Variants in NRF1 observed in about 807,000 individuals in gnomAD.
The protein encoded by NRF1 is nuclear respiratory factor 1, also known as alpha palindromic-binding protein.
NRF1 carries 5 observed loss-of-function variants against 58.5 expected under a neutral mutation model. The ratio of observed to expected loss-of-function variants is 0.09; its 90% CI spans 0.04 to 0.18. NRF1 has a LOEUF of 0.18. NRF1 is among the 10% of genes least tolerant of loss of function. The probability of loss-of-function intolerance (pLI) is 1.00; values close to 1 mark genes in which losing one functional copy is unlikely to be tolerated. For missense variants in NRF1, 288 were observed against 657.7 expected, an observed-to-expected ratio of 0.44 and a Z score of 6.15; for synonymous variants, 224 against 246.7, an observed-to-expected ratio of 0.91 and a Z score of 0.86.
chr7:129,736,002 C>CA lies in NRF1; in HGVS notation c.1348+8644dup, dbSNP rs1803700820. On this transcript the variant is annotated intron_variant, in intron 10 of 10. Transcript: ENST00000393232. Reference sequence around the variant, plus strand: ...TGGGTGACAGAGCGAGACTCCGTCTCAAAAAAATAAATAAATAAAATACAA... The same window carrying CA: ...TGGGTGACAGAGCGAGACTCCGTCTCAAAAAAAATAAATAAATAAAATACAA... Among the ~76,000 whole-genome samples, 6 of 151,786 alleles carry CA rather than the reference C, an allele frequency of 4.0e-5. No individual in the cohort carries two copies. The South Asian group carries it at 1.3e-3, about 32-fold the overall frequency.
At chr7:129,694,650 G>A (rs955928934) in intron 5 of NRF1, among the ~76,000 whole-genome samples, 2 of 152,158 alleles carry the variant, frequency 1.3e-5, no homozygotes, top group African/African-American at 2.4e-5. Flanking sequence ...TTGCAGGCAC[G>A]AGCCACTGCG....
chr7:129,688,929 ATT>A (rs1348244164), intron 4 of NRF1, among the ~76,000 whole-genome samples: 1 of 27,418 alleles, frequency 3.6e-5, no homozygotes, highest in Non-Finnish European at 8.7e-5. Context: ...TATAAGATTC[ATT>A]TGTGTGTGTG....
At chr7:129,727,192 A>C (rs201601437) in intron 9 of NRF1, 49 bp from the exon 10 acceptor site, 2 of 1,519,588 alleles carry the variant, frequency 1.3e-6, no homozygotes, top group East Asian at 4.9e-5. Context: ...TCTTGGCTGC[A>C]GTGCTGTTCC....
chr7:129,649,198 T>G (rs1389014008), intron 1 of NRF1, among the ~76,000 whole-genome samples: 2 of 152,186 alleles, frequency 1.3e-5, no homozygotes, highest in African/African-American at 2.4e-5. Flanking sequence ...ACCCTATAGT[T>G]GACTTTAGGC....
At position 129,657,369 on chromosome 7, in the gene NRF1, G is replaced by T; in HGVS notation, c.18G>T (p.Val6=). 1 of 1,614,048 alleles carries T rather than the reference G, an allele frequency of 6.2e-7. No homozygotes were observed. Among genetic ancestry groups the T allele is most frequent in the South Asian group, 1.1e-5 (1 of 91,046 alleles). MEEHG[V]TQTEHMATIE... ...AGAACTTCATGGAGGAACACGGAGT[G>T]ACCCAAACCGAACATATGGCTACCA... is the stretch of plus-strand genomic sequence containing the variant. The change falls in exon 2 of 11, where the codon GTG becomes GTT. Residue 6 remains valine (V), a synonymous_variant. Transcript: ENST00000393232.
chr7:129,723,503 T>A (rs1803381123), intron 9 of NRF1, among the ~76,000 whole-genome samples: 1 of 152,142 alleles, frequency 6.6e-6, no homozygotes, highest in African/African-American at 2.4e-5. Flanking sequence ...AACATAACTT[T>A]CTTAGCAAAA....
At chr7:129,717,990 G>T (rs17556694) in intron 9 of NRF1, among the ~76,000 whole-genome samples, 6,477 of 152,256 alleles carry the variant, frequency 0.043, 168 homozygotes, top group Middle Eastern at 0.12. Flanking sequence ...TTGCTTATCA[G>T]CGAGCTCAAG....
chr7:129,663,946 G>A (rs4504577), intron 2 of NRF1, among the ~76,000 whole-genome samples: 23,370 of 152,146 alleles, frequency 0.15, 1,941 homozygotes, highest in African/African-American at 0.23. Flanking sequence ...TCAACACGGC[G>A]AAACCCCGTC....
chr7:129,635,830 T>C (rs1215872291), intron 1 of NRF1, among the ~76,000 whole-genome samples: 1 of 152,152 alleles, frequency 6.6e-6, no homozygotes, highest in Non-Finnish European at 1.5e-5. Context: ...AAAAATGATC[T>C]GTTGACCAGA....
chr7:129,697,143 A>G (rs1056448083), intron 5 of NRF1, among the ~76,000 whole-genome samples: 3 of 152,202 alleles, frequency 2.0e-5, no homozygotes, highest in African/African-American at 7.2e-5. Context: ...AAAGTTCATG[A>G]ACCAAGAATT....
chr7:129,730,233 C>T (rs1396886726), intron 10 of NRF1, among the ~76,000 whole-genome samples: 1 of 151,988 alleles, frequency 6.6e-6, no homozygotes, highest in South Asian at 2.1e-4. Context: ...CCATATTGCT[C>T]TGGCTGGTCT....
At chr7:129,749,003 A>G (rs368864981) in intron 10 of NRF1, among the ~76,000 whole-genome samples, 2 of 152,202 alleles carry the variant, frequency 1.3e-5, no homozygotes, top group East Asian at 3.9e-4. Context: ...CCCGTGGTCT[A>G]CCACAGTGCT....
At chr7:129,648,809 T>C (rs1249324040) in intron 1 of NRF1, among the ~76,000 whole-genome samples, 1 of 152,196 alleles carries the variant, frequency 6.6e-6, no homozygotes, top group African/African-American at 2.4e-5. Flanking sequence ...GCTTTTTCAT[T>C]GTCATGGTTC....
At chr7:129,729,569 C>G (rs1196110538) in intron 10 of NRF1, among the ~76,000 whole-genome samples, 1 of 152,230 alleles carries the variant, frequency 6.6e-6, no homozygotes, top group African/African-American at 2.4e-5. Flanking sequence ...TGTGCCGTAT[C>G]CCAGCAGTTT....
rs993240490 is a variant in NRF1 at position 129,627,281 on chromosome 7, G to A, written c.-7+15457G>A. On this transcript the variant is annotated intron_variant, in intron 1 of 10. Coordinates refer to ENST00000393232, the MANE Select transcript of NRF1 (RefSeq NM_005011.5). Reference sequence around the variant, plus strand: ...GCTGGAGTGTAGTTAGCACAGTCTCGGCTCACTGCAGCCTCAGTCTCCCCT... The same window carrying A: ...GCTGGAGTGTAGTTAGCACAGTCTCAGCTCACTGCAGCCTCAGTCTCCCCT... Among the ~76,000 whole-genome samples, 7 of 152,164 alleles carry A rather than the reference G, an allele frequency of 4.6e-5. No individual in the cohort carries two copies. The South Asian group carries it at 8.3e-4, about 18-fold the overall frequency.
chr7:129,754,873 GTCT>G, intron 10 of NRF1, 142 bp from the exon 11 acceptor site: 1 of 649,518 alleles, frequency 1.5e-6, no homozygotes, highest in South Asian at 3.5e-5. Flanking sequence ...GGAAAGAGAT[GTCT>G]TTGTGCCTGG....
chr7:129,754,946 G>T (rs532053694), intron 10 of NRF1, 72 bp from the exon 11 acceptor site: 2 of 1,442,220 alleles, frequency 1.4e-6, no homozygotes, highest in East Asian at 2.6e-5. Flanking sequence ...CAAGACTTGG[G>T]TGCCCCCGTC....
chr7:129,668,960 T>G (rs1181289326), intron 2 of NRF1, among the ~76,000 whole-genome samples: 3 of 152,148 alleles, frequency 2.0e-5, no homozygotes, highest in African/African-American at 7.2e-5. Flanking sequence ...TCTCCTCTCC[T>G]TTTTTGAGAC....
intron 2 of NRF1, among the ~76,000 whole-genome samples, chr7:129,664,158 G>T (rs909677283): frequency 6.6e-6 from 1 of 151,266 alleles, no homozygotes; most frequent in Non-Finnish European, 1.5e-5. Flanking sequence ...GAAAGGGAGG[G>T]AGAGGGTAGG....
Sources: gnomAD v4.1 joint callset for allele counts (sites outside exome capture counted in the v4.1 genomes callset) on GRCh38, gnomAD v4.1.1 for gene constraint, MANE v1.5 for transcripts, NCBI Gene and HGNC (gene_info 2026-07-23, HGNC 2026-07-21) for gene names.